The following MCUB variants were observed in gnomAD, a reference collection of about 807,000 sequenced individuals.
The protein encoded by MCUB is calcium uniporter regulatory subunit MCUb, mitochondrial.
In MCUB, 46 loss-of-function variants were observed where a neutral mutation model predicts 41.4. The observed-to-expected ratio is 1.11, with a 90% CI of 0.88 to 1.42. The LOEUF is 1.42. Among genes scored for constraint, MCUB ranks in the 40% most tolerant of loss-of-function variants. The pLI is 0.00. For missense variants in MCUB, 403 were observed against 404.9 expected, an observed-to-expected ratio of 1.00 and a Z score of 0.04; for synonymous variants, 148 against 148.2, an observed-to-expected ratio of 1.00 and a Z score of 0.01.
At chr4:109,680,004 G>C (rs985307728) in intron 4 of MCUB, among the ~76,000 whole-genome samples, 4 of 152,122 alleles carry the variant, frequency 2.6e-5, no homozygotes, top group African/African-American at 9.7e-5. Context: ...GTTTCACCCT[G>C]TTGGCCAGGC....
At chr4:109,575,408 C>T (rs1271808345) in intron 1 of MCUB, among the ~76,000 whole-genome samples, 2 of 152,186 alleles carry the variant, frequency 1.3e-5, no homozygotes, top group Non-Finnish European at 1.5e-5. Context: ...TTGCCTGAAA[C>T]CAACTCAAGT....
chr4:109,630,920 C>T (rs1391817851), intron 1 of MCUB, among the ~76,000 whole-genome samples: 3 of 152,136 alleles, frequency 2.0e-5, no homozygotes, highest in East Asian at 1.9e-4. Context: ...AATGTACTGC[C>T]GTTCCTGGAC....
chr4:109,646,601 T>G (rs915437449), intron 1 of MCUB, among the ~76,000 whole-genome samples: 2 of 152,186 alleles, frequency 1.3e-5, no homozygotes, highest in African/African-American at 4.8e-5. Flanking sequence ...AAATCCTTAT[T>G]ACACTTTAAC....
chr4:109,680,081 C>T (rs1298385299), intron 4 of MCUB, among the ~76,000 whole-genome samples: 2 of 152,106 alleles, frequency 1.3e-5, no homozygotes, highest in Admixed American at 6.5e-5. Flanking sequence ...GTATTACAGG[C>T]GTGAACCACC....
chr4:109,642,739 G>T (rs1228811784), intron 1 of MCUB, among the ~76,000 whole-genome samples: 2 of 151,980 alleles, frequency 1.3e-5, no homozygotes, highest in African/African-American at 4.8e-5. Flanking sequence ...TTCTAGAATA[G>T]GAGGCTGGAT....
chr4:109,673,947 A>G, intron 4 of MCUB: 1 of 800,698 alleles, frequency 1.2e-6, no homozygotes, highest in Non-Finnish European at 2.3e-6. Flanking sequence ...TTGGAATAGC[A>G]GGTTTTGCAG....
intron 1 of MCUB, among the ~76,000 whole-genome samples, chr4:109,578,713 C>T (rs1449588413): frequency 6.6e-6 from 1 of 152,034 alleles, no homozygotes; most frequent in Non-Finnish European, 1.5e-5. Context: ...TCACTGTGTT[C>T]ACACGCTGGT....
chr4:109,665,660 A>G (rs532739975), intron 4 of MCUB, among the ~76,000 whole-genome samples: 1 of 152,102 alleles, frequency 6.6e-6, no homozygotes, highest in East Asian at 1.9e-4. Flanking sequence ...TTGTTTTTTC[A>G]TTCATTTTGT....
chr4:109,663,420 CT>C (rs1315568359), intron 3 of MCUB, among the ~76,000 whole-genome samples: 5 of 151,694 alleles, frequency 3.3e-5, no homozygotes, highest in Admixed American at 3.3e-4. Context: ...TTTTTCAAGA[CT>C]TTTTTTTTCC....
At chr4:109,611,779 T>C (rs962544795) in intron 1 of MCUB, among the ~76,000 whole-genome samples, 3 of 152,222 alleles carry the variant, frequency 2.0e-5, no homozygotes, top group Non-Finnish European at 4.4e-5. Context: ...TTCTTTTTAT[T>C]GGTATGGTTC....
chr4:109,636,938 G>GATC (rs1728608931), intron 1 of MCUB, among the ~76,000 whole-genome samples: 1 of 152,244 alleles, frequency 6.6e-6, no homozygotes, highest in African/African-American at 2.4e-5. Flanking sequence ...CTAGAGACCA[G>GATC]TAGTCCAGTG....
intron 1 of MCUB, among the ~76,000 whole-genome samples, chr4:109,630,384 C>A (rs780794506): frequency 1.3e-5 from 2 of 152,074 alleles, no homozygotes; most frequent in African/African-American, 2.4e-5. Context: ...ATCACTTGAG[C>A]CCAGGAGTTG....
At chr4:109,622,514 G>A (rs912911566) in intron 1 of MCUB, among the ~76,000 whole-genome samples, 2 of 152,198 alleles carry the variant, frequency 1.3e-5, no homozygotes, top group African/African-American at 4.8e-5. Flanking sequence ...TTTAGATTTT[G>A]AAAAGCAATT....
intron 1 of MCUB, among the ~76,000 whole-genome samples, chr4:109,606,273 C>T (rs1727868586): frequency 6.6e-6 from 1 of 151,690 alleles, no homozygotes; most frequent in Admixed American, 6.6e-5. Context: ...CTGTGCCTGG[C>T]CTGTTTTTTT....
At chr4:109,597,992 C>T (rs1489009090) in intron 1 of MCUB, among the ~76,000 whole-genome samples, 45 of 145,722 alleles carry the variant, frequency 3.1e-4, no homozygotes, top group African/African-American at 6.7e-4. Context: ...ACATCTCAGA[C>T]GATGGGCGGC....
At chr4:109,638,226 G>A (rs920127965) in intron 1 of MCUB, among the ~76,000 whole-genome samples, 3 of 152,056 alleles carry the variant, frequency 2.0e-5, no homozygotes, top group South Asian at 2.1e-4. Flanking sequence ...ACATGGTGGC[G>A]CATGCCTGTA....
intron 1 of MCUB, among the ~76,000 whole-genome samples, chr4:109,620,045 C>T (rs1210413870): frequency 1.3e-5 from 2 of 152,126 alleles, no homozygotes; most frequent in Non-Finnish European, 2.9e-5. Flanking sequence ...CCTGTCTCAT[C>T]AGATAGATTC....
chr4:109,598,783 A>G (rs1025504441), intron 1 of MCUB, among the ~76,000 whole-genome samples: 1 of 152,224 alleles, frequency 6.6e-6, no homozygotes, highest in African/African-American at 2.4e-5. Flanking sequence ...TTCCTTTTAA[A>G]ATACATATAT....
chr4:109,675,324 G>C (rs1027203432), intron 4 of MCUB, among the ~76,000 whole-genome samples: 4 of 152,136 alleles, frequency 2.6e-5, no homozygotes, highest in Non-Finnish European at 5.9e-5. Context: ...CAGGTTCCTC[G>C]GAACCCTCTT....
Sources: gnomAD v4.1 joint callset for allele counts (sites outside exome capture counted in the v4.1 genomes callset) on GRCh38, gnomAD v4.1.1 for gene constraint, MANE v1.5 for transcripts, NCBI Gene and HGNC (gene_info 2026-07-23, HGNC 2026-07-21) for gene names.